CNTNAP2: variants seen among roughly 807,000 people sequenced by gnomAD.
CNTNAP2 encodes contactin-associated protein-like 2.
CNTNAP2 carries 98 observed loss-of-function variants against 155.2 expected under a neutral mutation model. The observed-to-expected ratio is 0.63, with a 90% confidence interval of 0.54 to 0.75. The LOEUF (loss-of-function observed/expected upper bound fraction) is 0.75, where lower values mean the gene tolerates loss of function less well. Ranked by LOEUF, CNTNAP2 falls within the 30% of genes least tolerant of loss-of-function variation. The probability of loss-of-function intolerance (pLI) is 0.00; values close to 1 mark genes in which losing one functional copy is unlikely to be tolerated. For missense variants in CNTNAP2, 1,727 were observed against 1,688.1 expected, an observed-to-expected ratio of 1.02 and a Z score of -0.40; for synonymous variants, 651 against 631.2, an observed-to-expected ratio of 1.03 and a Z score of -0.47.
At chr7:146,498,279 T>C (rs1797249546) in intron 1 of CNTNAP2, among the ~76,000 whole-genome samples, 1 of 152,146 alleles carries the variant, frequency 6.6e-6, no homozygotes, top group South Asian at 2.1e-4. Context: ...GGAACTGTAA[T>C]GAAGAATTTG....
rs1563083324 is a variant in CNTNAP2 at position 147,772,493 on chromosome 7, A to AC, written c.2099-131072_2099-131071insC. Reference sequence around the variant, plus strand: ...ATATATATATATATATACACACACAAAAAAAAAACCACAAAAGAGGTGATT... The same window carrying AC: ...ATATATATATATATATACACACACAACAAAAAAAACCACAAAAGAGGTGATT... On this transcript the variant is annotated intron_variant, in intron 13 of 23. Transcript: ENST00000361727. Among the ~76,000 whole-genome samples the AC allele has an allele frequency of 5.5e-3, 648 of 117,104 alleles. 29 individuals are homozygous for AC. The highest frequency in any genetic ancestry group is 0.019 in the African/African-American group (614 of 31,590). The allele number at this position is 117,104 out of a possible 152,430, so 76.8% of individuals were successfully genotyped here.
In CNTNAP2 at chr7:146,587,975, GA is replaced by G. The variant is rs1343249907; in HGVS notation, c.98-186295del. Among the ~76,000 whole-genome samples, 130 of 150,182 alleles carry G rather than the reference GA, an allele frequency of 8.7e-4. 1 individual carries two copies. The highest frequency in any genetic ancestry group is 3.0e-3 in the African/African-American group (121 of 40,900). ...AGGTGTGAGCCACTGCGCCCGGCCTGATGATTAATTTTCAAACAAACCGTGT... is the reference window on the plus strand; with the variant it reads ...AGGTGTGAGCCACTGCGCCCGGCCTGTGATTAATTTTCAAACAAACCGTGT... On this transcript the variant is annotated intron_variant, in intron 1 of 23. Transcript: ENST00000361727.
intron 1 of CNTNAP2, among the ~76,000 whole-genome samples, chr7:146,636,929 C>T (rs927369923): frequency 6.6e-6 from 1 of 152,258 alleles, no homozygotes; most frequent in Non-Finnish European, 1.5e-5. Context: ...CAGTCATTGC[C>T]AGAGGCATAC....
In CNTNAP2 at chr7:147,090,065, C is replaced by G. The variant is rs548162362; in HGVS notation, c.551-18082C>G. Among the ~76,000 whole-genome samples the G allele has an allele frequency of 2.3e-3, 347 of 152,222 alleles. 1 individual carries two copies. The highest frequency in any genetic ancestry group is 6.8e-3 in the African/African-American group (281 of 41,528). On this transcript the variant is annotated intron_variant, in intron 4 of 23. Transcript: ENST00000361727. ...AATAAACCAGCTACCTCAGGGAAGTCAGCACAAATACAGAACAGTAAGGGA... is the reference window on the plus strand; with the variant it reads ...AATAAACCAGCTACCTCAGGGAAGTGAGCACAAATACAGAACAGTAAGGGA...
At chr7:148,086,691 G>A (rs1803736813) in intron 15 of CNTNAP2, among the ~76,000 whole-genome samples, 1 of 151,740 alleles carries the variant, frequency 6.6e-6, no homozygotes, top group African/African-American at 2.4e-5. Flanking sequence ...AGCTTCTTAG[G>A]GTTCAAAAAT....
intron 1 of CNTNAP2, among the ~76,000 whole-genome samples, chr7:146,724,910 G>A (rs773707025): frequency 5.3e-5 from 8 of 152,006 alleles, no homozygotes; most frequent in Non-Finnish European, 1.0e-4. Context: ...AGTTCTTAGG[G>A]CTGCTGAAAC....
chr7:146,737,505 T>A (rs2129180496), intron 1 of CNTNAP2, among the ~76,000 whole-genome samples: 1 of 152,226 alleles, frequency 6.6e-6, no homozygotes, highest in South Asian at 2.1e-4. Flanking sequence ...AGATTCCACA[T>A]ATGAATGAGA....
intron 1 of CNTNAP2, 45 bp downstream of exon 1, chr7:146,117,018 G>T: frequency 6.7e-7 from 1 of 1,494,760 alleles, no homozygotes; most frequent in Non-Finnish European, 9.1e-7. Context: ...GTTTCAGTGC[G>T]GCATTGATGT....
At chr7:147,699,159 T>C (rs1383616507) in intron 13 of CNTNAP2, among the ~76,000 whole-genome samples, 2 of 150,456 alleles carry the variant, frequency 1.3e-5, no homozygotes, top group Non-Finnish European at 3.0e-5. Flanking sequence ...TAAATATATA[T>C]AAAGGGTTAT....
chr7:147,658,117 CGT>C lies in CNTNAP2; in HGVS notation c.2098+18812_2098+18813del, dbSNP rs1219532819. On this transcript the variant is annotated intron_variant, in intron 13 of 23. Coordinates refer to ENST00000361727, the MANE Select transcript of CNTNAP2 (RefSeq NM_014141.6). ...TAAAAAATACAAAAAATTAGCCGGG[CGT>C]AGTGGCGGGCGCCTGTGGTCCCAGC... is the stretch of plus-strand genomic sequence containing the variant. Among the ~76,000 whole-genome samples, 3 of 144,054 alleles carry C rather than the reference CGT, an allele frequency of 2.1e-5. 1 individual carries two copies. The highest frequency in any genetic ancestry group is 7.6e-5 in the African/African-American group (3 of 39,682). The allele number at this position is 144,054 out of a possible 152,430, so 94.5% of individuals were successfully genotyped here.
At chr7:148,403,508 G>A (rs571495517) in intron 22 of CNTNAP2, among the ~76,000 whole-genome samples, 9 of 152,202 alleles carry the variant, frequency 5.9e-5, no homozygotes, top group South Asian at 4.2e-4. Context: ...AAATTAACAC[G>A]CCAAATTTGG....
chr7:146,230,186 A>G (rs531711614), intron 1 of CNTNAP2, among the ~76,000 whole-genome samples: 8 of 152,322 alleles, frequency 5.3e-5, no homozygotes, highest in African/African-American at 1.7e-4. Context: ...TGCCCTAACT[A>G]TAGGTAGGGA....
chr7:147,168,632 T>A (rs936686574), intron 8 of CNTNAP2, among the ~76,000 whole-genome samples: 24 of 152,146 alleles, frequency 1.6e-4, no homozygotes, highest in Non-Finnish European at 2.8e-4. Context: ...TGGAATTCCA[T>A]TTCCATTATA....
At chr7:147,767,052 A>G (rs557623980) in intron 13 of CNTNAP2, among the ~76,000 whole-genome samples, 2 of 152,212 alleles carry the variant, frequency 1.3e-5, no homozygotes, top group African/African-American at 4.8e-5. Context: ...GTTTAACTAA[A>G]TTAACTATAC....
At chr7:146,723,041 T>A in intron 1 of CNTNAP2, among the ~76,000 whole-genome samples, 1 of 152,036 alleles carries the variant, frequency 6.6e-6, no homozygotes, top group African/African-American at 2.4e-5. Context: ...TAAACATATA[T>A]GTTGAAGTCC....
chr7:147,806,932 G>T (rs1266258645), intron 13 of CNTNAP2, among the ~76,000 whole-genome samples: 1 of 152,138 alleles, frequency 6.6e-6, no homozygotes, highest in Non-Finnish European at 1.5e-5. Context: ...GTAGTGTTTG[G>T]TAGCACAATA....
intron 1 of CNTNAP2, among the ~76,000 whole-genome samples, chr7:146,226,776 A>C (rs1799299222): frequency 6.6e-6 from 1 of 152,196 alleles, no homozygotes. Flanking sequence ...GATGCAAATG[A>C]GAACATAATT....
chr7:147,270,043 C>A (rs1489922579), intron 8 of CNTNAP2, among the ~76,000 whole-genome samples: 2 of 152,114 alleles, frequency 1.3e-5, no homozygotes, highest in South Asian at 2.1e-4. Flanking sequence ...GCCTGGGCAA[C>A]AGAGTGATAC....
At chr7:147,684,593 A>G (rs1290454622) in intron 13 of CNTNAP2, among the ~76,000 whole-genome samples, 2 of 151,888 alleles carry the variant, frequency 1.3e-5, no homozygotes, top group African/African-American at 4.8e-5. Flanking sequence ...GTTCCAATAG[A>G]ATAATCGTTG....
Sources: gnomAD v4.1 joint callset for allele counts (sites outside exome capture counted in the v4.1 genomes callset) on GRCh38, gnomAD v4.1.1 for gene constraint, MANE v1.5 for transcripts, NCBI Gene and HGNC (gene_info 2026-07-23, HGNC 2026-07-21) for gene names.